The following EFCAB13 variants were observed in gnomAD, a reference collection of about 807,000 sequenced individuals.
EFCAB13 encodes the protein EF-hand calcium binding domain 13.
In EFCAB13, 91 loss-of-function variants were observed where a neutral mutation model predicts 110.2. The ratio of observed to expected loss-of-function variants is 0.83; its 90% CI spans 0.70 to 0.98. The LOEUF is 0.98. Among genes scored for constraint, EFCAB13 ranks in the 50% least tolerant of loss-of-function variants. The pLI, the probability that EFCAB13 is intolerant of heterozygous loss-of-function variation, is 0.00. For missense variants in EFCAB13, 968 were observed against 1,119.4 expected (o/e 0.86, Z 1.93); for synonymous variants, 323 against 369.9 (o/e 0.87, Z 1.45).
At chr17:47,337,267 A>G (rs2065356565) in intron 5 of EFCAB13, among the ~76,000 whole-genome samples, 1 of 152,222 alleles carries the variant, frequency 6.6e-6, no homozygotes, top group Non-Finnish European at 1.5e-5. Context: ...ACATGCCTCA[A>G]AAGAATGGGG....
chr17:47,363,765 A>T (rs910045712), intron 10 of EFCAB13, among the ~76,000 whole-genome samples: 1 of 152,154 alleles, frequency 6.6e-6, no homozygotes, highest in African/African-American at 2.4e-5. Flanking sequence ...GTGGGCTTCC[A>T]CTAGTTTTTG....
Position 47,335,368 on chromosome 17 carries a change from A to C in EFCAB13, c.191+12A>C. ...GAATATAAAAAAATGTAAGTTAAAAACTCTGAACTTACTTTATTGAATTAT... is the reference window on the plus strand; with the variant it reads ...GAATATAAAAAAATGTAAGTTAAAACCTCTGAACTTACTTTATTGAATTAT... On this transcript the variant is annotated intron_variant, in intron 5 of 24. Coordinates refer to ENST00000331493, the MANE Select transcript of EFCAB13 (RefSeq NM_152347.5). The C allele has an allele frequency of 6.4e-7, 1 of 1,571,960 alleles. No homozygotes were observed. Among genetic ancestry groups the C allele is most frequent in the Non-Finnish European group, 8.6e-7 (1 of 1,165,750 alleles).
At chr17:47,367,407 G>A (rs748470281) in intron 10 of EFCAB13, among the ~76,000 whole-genome samples, 2 of 152,166 alleles carry the variant, frequency 1.3e-5, no homozygotes, top group Admixed American at 6.5e-5. Context: ...AGGATGGCTG[G>A]GCCACTCCCC....
rs1160416264 is a variant in EFCAB13, at chr17:47,391,703, A to G, written c.1726+123A>G. The stretch of plus-strand genomic sequence containing the variant: ...AAAAAGTTAAAATTAAACTAATACA[A>G]AAAGTATGGAAATACTCAAAAGTAC... On this transcript the variant is annotated intron_variant, in intron 15 of 24. Coordinates refer to ENST00000331493, the MANE Select transcript of EFCAB13 (RefSeq NM_152347.5). 7.4e-6 allele frequency: 6 copies of G among 810,106 alleles called. No homozygotes were observed. In the East Asian group the frequency reaches 1.4e-4, roughly 19 times the overall value. The allele number at this position is 810,106 out of a possible 1,614,324, so 50.2% of individuals were successfully genotyped here. A position where few individuals can be genotyped will look rare whatever the true frequency, so the allele number is the denominator to read the frequency against.
intron 16 of EFCAB13, 56 bp from the exon 17 acceptor site, chr17:47,395,778 C>A: frequency 6.9e-7 from 1 of 1,445,648 alleles, no homozygotes; most frequent in Non-Finnish European, 9.3e-7. Context: ...TGACAGTTTA[C>A]TGTATTAACT....
In EFCAB13 at chr17:47,395,972, T is replaced by C. The variant is rs1379218987; in HGVS notation, c.1940T>C (p.Val647Ala). The C allele has an allele frequency of 3.7e-6, 6 of 1,603,402 alleles. No individual in the cohort carries two copies. The highest frequency in any genetic ancestry group is 5.1e-6 in the Non-Finnish European group (6 of 1,173,938). The change falls in exon 17 of 25, where the codon GTT becomes GCT. Residue 647 changes from valine (V) to alanine (A), a missense_variant. Val to Ala is a moderately conservative substitution (Grantham distance 64). Coordinates refer to ENST00000331493, the MANE Select transcript of EFCAB13 (RefSeq NM_152347.5). ...EFLAALELVT[V>A]DEGDKVQFEE... ...CTAGCTGCATTGGAACTAGTGACAGTTGATGGTGAGTGTTACAAATACTAA... is the reference window on the plus strand; with the variant it reads ...CTAGCTGCATTGGAACTAGTGACAGCTGATGGTGAGTGTTACAAATACTAA...
At chr17:47,332,207 C>T (rs1319084076) in intron 4 of EFCAB13, among the ~76,000 whole-genome samples, 1 of 152,088 alleles carries the variant, frequency 6.6e-6, no homozygotes, top group Non-Finnish European at 1.5e-5. Flanking sequence ...GTTCTTGCTT[C>T]ACATCCTTGC....
intron 14 of EFCAB13, among the ~76,000 whole-genome samples, chr17:47,390,452 A>G (rs1053269903): frequency 7.2e-5 from 11 of 152,100 alleles, no homozygotes; most frequent in Admixed American, 2.6e-4. Context: ...CAGTTAGCCA[A>G]CCTTCTTAAG....
At chr17:47,435,254 C>T (rs1905190805) in intron 24 of EFCAB13, among the ~76,000 whole-genome samples, 3 of 152,056 alleles carry the variant, frequency 2.0e-5, no homozygotes, top group Admixed American at 1.3e-4. Flanking sequence ...AGAAGATATA[C>T]AAATGGCCAA....
intron 9 of EFCAB13, among the ~76,000 whole-genome samples, chr17:47,350,127 G>A (rs2065441447): frequency 6.6e-6 from 1 of 152,052 alleles, no homozygotes; most frequent in Non-Finnish European, 1.5e-5. Context: ...TTCTTCAAAA[G>A]TATAGAAGAT....
chr17:47,325,030 C>CCACCCCTTTTTTTT (rs1187065378), intron 2 of EFCAB13, among the ~76,000 whole-genome samples: 1 of 116,718 alleles, frequency 8.6e-6, no homozygotes, highest in Non-Finnish European at 1.9e-5. Context: ...CCCCACCCCC[C>CCACCCCTTTTTTTT]TTTTTTTTTT....
intron 12 of EFCAB13, 75 bp from the exon 13 acceptor site, chr17:47,377,691 T>G (rs967970532): frequency 4.6e-6 from 6 of 1,317,764 alleles, no homozygotes; most frequent in Non-Finnish European, 6.1e-6. Flanking sequence ...CTCTAATTTC[T>G]AAAGATTTTG....
At chr17:47,398,162 C>T (rs1385524863) in intron 17 of EFCAB13, among the ~76,000 whole-genome samples, 6 of 141,130 alleles carry the variant, frequency 4.3e-5, no homozygotes, top group South Asian at 4.8e-4. Flanking sequence ...AGGTGAGGGG[C>T]GCCTCTGCCC....
chr17:47,410,071 C>A (rs118140388), intron 21 of EFCAB13, among the ~76,000 whole-genome samples: 151 of 151,748 alleles, frequency 1.0e-3, no homozygotes, highest in Non-Finnish European at 1.9e-3. Flanking sequence ...CTGTTGTAGT[C>A]TGTTTTGTGT....
At chr17:47,367,628 T>C (rs893326642) in intron 10 of EFCAB13, among the ~76,000 whole-genome samples, 1 of 152,194 alleles carries the variant, frequency 6.6e-6, no homozygotes, top group Non-Finnish European at 1.5e-5. Context: ...ACTCAGGTTG[T>C]CCAAAGCTGA....
chr17:47,337,131 A>G (rs1434567015), intron 5 of EFCAB13, among the ~76,000 whole-genome samples: 3 of 152,240 alleles, frequency 2.0e-5, no homozygotes, highest in South Asian at 4.1e-4. Context: ...GAAGACTACA[A>G]TAAAACTTGT....
chr17:47,351,338 T>C (rs955108595), intron 9 of EFCAB13, among the ~76,000 whole-genome samples: 1 of 115,188 alleles, frequency 8.7e-6, no homozygotes, highest in Non-Finnish European at 1.8e-5. Context: ...CCACGTTTTC[T>C]TTATCCAGTC....
intron 17 of EFCAB13, among the ~76,000 whole-genome samples, chr17:47,398,289 C>G (rs1204649292): frequency 6.8e-6 from 1 of 147,518 alleles, no homozygotes; most frequent in Non-Finnish European, 1.5e-5. Flanking sequence ...AGGTGAGGGG[C>G]GCCTCTGCCC....
Position 47,353,301 on chromosome 17 carries a change from T to G in EFCAB13, c.661+5350T>G, listed in dbSNP as rs575898294. Among the ~76,000 whole-genome samples the G allele has an allele frequency of 5.3e-5, 8 of 151,938 alleles. 1 individual carries two copies. The East Asian group carries it at 1.5e-3, about 29-fold the overall frequency. On this transcript the variant is annotated intron_variant, in intron 9 of 24. Coordinates refer to ENST00000331493, the MANE Select transcript of EFCAB13 (RefSeq NM_152347.5). ...TATTTATTTATTTATTTATTATTTT[T>G]TTTTATTTTTTGAGATGGAGTCTTG... is the stretch of plus-strand genomic sequence containing the variant.
Sources: gnomAD v4.1 joint callset for allele counts (sites outside exome capture counted in the v4.1 genomes callset) on GRCh38, gnomAD v4.1.1 for gene constraint, MANE v1.5 for transcripts, NCBI Gene and HGNC (gene_info 2026-07-23, HGNC 2026-07-21) for gene names.